Variants in IQCM observed in about 807,000 individuals in gnomAD.
IQCM encodes the protein IQ domain-containing protein M.
IQCM carries 45 observed loss-of-function variants against 57.6 expected under a neutral mutation model. The observed-to-expected ratio is 0.78, with a 90% CI of 0.62 to 1.00. IQCM has a LOEUF of 1.00. Among genes scored for constraint, IQCM ranks in the 50% least tolerant of loss-of-function variants. The pLI, the probability that IQCM is intolerant of heterozygous loss-of-function variation, is 0.00. For synonymous variants in IQCM, 148 were observed against 158.9 expected, an observed-to-expected ratio of 0.93 and a Z score of 0.51; for missense variants, 468 against 511.6, an observed-to-expected ratio of 0.91 and a Z score of 0.82.
At chr4:149,429,002 G>A (rs940424140) in intron 13 of IQCM, among the ~76,000 whole-genome samples, 1 of 151,758 alleles carries the variant, frequency 6.6e-6, no homozygotes, top group Non-Finnish European at 1.5e-5. Context: ...CCATTGCTTT[G>A]GGAAAGTAAT....
At chr4:149,745,877 T>A (rs936711233) in intron 2 of IQCM, among the ~76,000 whole-genome samples, 2 of 151,696 alleles carry the variant, frequency 1.3e-5, no homozygotes, top group African/African-American at 4.8e-5. Flanking sequence ...GAGGCTGAGG[T>A]GGGAGGATCA....
At chr4:149,733,718 A>G (rs561331182) in intron 4 of IQCM, among the ~76,000 whole-genome samples, 2 of 152,098 alleles carry the variant, frequency 1.3e-5, no homozygotes, top group Non-Finnish European at 2.9e-5. Flanking sequence ...TCACTCTCTA[A>G]AAGTCCTTCA....
intron 12 of IQCM, among the ~76,000 whole-genome samples, chr4:149,478,162 A>G (rs1392819848): frequency 6.6e-6 from 1 of 152,190 alleles, no homozygotes; most frequent in Middle Eastern, 3.2e-3. Flanking sequence ...TGAAAAGCAC[A>G]TGAAAAGCCC....
intron 12 of IQCM, chr4:149,514,630 AGGTTGTTTTTC>A (rs1464898913): frequency 1.3e-5 from 2 of 152,286 alleles, no homozygotes; most frequent in East Asian, 3.9e-4. Flanking sequence ...TATACGCTGC[AGGTTGTTTTTC>A]AGTCTGTTAA....
At chr4:149,423,874 A>C (rs1734287422) in intron 13 of IQCM, among the ~76,000 whole-genome samples, 1 of 151,924 alleles carries the variant, frequency 6.6e-6, no homozygotes, top group Non-Finnish European at 1.5e-5. Context: ...TTTATATTTT[A>C]TTTATTAAAT....
At chr4:149,709,799 T>C (rs1001424792) in intron 5 of IQCM, among the ~76,000 whole-genome samples, 3 of 152,120 alleles carry the variant, frequency 2.0e-5, no homozygotes, top group Non-Finnish European at 2.9e-5. Flanking sequence ...ATGCAAAGTC[T>C]TGTTACTCAT....
chr4:149,376,435 G>T (rs1730704265), intron 13 of IQCM, among the ~76,000 whole-genome samples: 1 of 152,078 alleles, frequency 6.6e-6, no homozygotes, highest in Admixed American at 6.6e-5. Context: ...AGAGATACAA[G>T]ATGCTATTGC....
intron 12 of IQCM, among the ~76,000 whole-genome samples, chr4:149,510,535 G>A (rs912146739): frequency 3.9e-5 from 6 of 152,036 alleles, no homozygotes; most frequent in Admixed American, 1.3e-4. Context: ...CCCCTCACCT[G>A]TTGCCATCTT....
At chr4:149,368,940 ATATGTG>A (rs1192197863) in intron 13 of IQCM, among the ~76,000 whole-genome samples, 10 of 76,086 alleles carry the variant, frequency 1.3e-4, no homozygotes, top group Non-Finnish European at 2.3e-4. Flanking sequence ...ACGTGTATAT[ATATGTG>A]TATATATATA....
chr4:149,632,107 T>C (rs1757316702), intron 7 of IQCM, among the ~76,000 whole-genome samples: 1 of 152,244 alleles, frequency 6.6e-6, no homozygotes, highest in East Asian at 1.9e-4. Context: ...CTGAAGCTGG[T>C]TGATAATCCC....
chr4:149,562,875 C>G lies in IQCM; in HGVS notation c.948+817G>C, dbSNP rs1024053011. Among the ~76,000 whole-genome samples, 9 of 152,184 alleles carry G rather than the reference C, an allele frequency of 5.9e-5. No homozygotes were observed. The East Asian group carries it at 1.7e-3, about 29-fold the overall frequency. ...TGTCAGAGAAATGTGTTCAGGATGCCCACTGCAAATCTATTCCAGAGGTTT... is the reference window on the plus strand; with the variant it reads ...TGTCAGAGAAATGTGTTCAGGATGCGCACTGCAAATCTATTCCAGAGGTTT... On this transcript the variant is annotated intron_variant, in intron 10 of 13. Coordinates refer to ENST00000636793, the MANE Select transcript of IQCM (RefSeq NM_001363507.2).
chr4:149,429,992 T>C, intron 13 of IQCM: 1 of 1,227,862 alleles, frequency 8.1e-7, no homozygotes, highest in Non-Finnish European at 1.0e-6. Flanking sequence ...CAAACACAAA[T>C]AGATATAGGT....
chr4:149,554,891 G>A (rs1253535830), intron 10 of IQCM, among the ~76,000 whole-genome samples: 1 of 150,596 alleles, frequency 6.6e-6, no homozygotes, highest in Non-Finnish European at 1.5e-5. Flanking sequence ...AGTAGAGACG[G>A]GGTTTCACCG....
intron 2 of IQCM, among the ~76,000 whole-genome samples, chr4:149,776,826 A>G (rs1771133070): frequency 2.0e-5 from 3 of 152,154 alleles, no homozygotes; most frequent in Admixed American, 1.3e-4. Flanking sequence ...GATTATATAC[A>G]TAGAACATTC....
rs114574300 is a variant in IQCM, at chr4:149,701,080, C to A, written c.386-14612G>T. Among the ~76,000 whole-genome samples, 1,139 of 151,996 alleles carry A rather than the reference C, an allele frequency of 7.5e-3. 19 individuals are homozygous for A. Among genetic ancestry groups the A allele is most frequent in the African/African-American group, 0.026 (1,070 of 41,474 alleles). The stretch of plus-strand genomic sequence containing the variant: ...CCCAAAAATGAGGCATACAAATATA[C>A]AAACTGAGGCTCAGAAACAGGTACA... On this transcript the variant is annotated intron_variant, in intron 5 of 13. Transcript: ENST00000636793.
intron 2 of IQCM, among the ~76,000 whole-genome samples, chr4:149,777,920 A>C (rs116465692): frequency 0.022 from 3,397 of 152,262 alleles, 63 homozygotes; most frequent in South Asian, 0.036. Context: ...GATGCAGACC[A>C]AAAACAAAAC....
In IQCM at chr4:149,471,626, C is replaced by T. The variant is rs377682036; in HGVS notation, c.1229-38069G>A. On this transcript the variant is annotated intron_variant, in intron 12 of 13. Coordinates refer to ENST00000636793, the MANE Select transcript of IQCM (RefSeq NM_001363507.2). ...ATCCTCCCTAATTCATTTTATGAGG[C>T]CAACATCATCCTGATACCAAAGCCT... Among the ~76,000 whole-genome samples, 15 of 152,240 alleles carry T rather than the reference C, an allele frequency of 9.9e-5. No individual in the cohort carries two copies. The East Asian group carries it at 1.9e-3, about 20-fold the overall frequency.
intron 13 of IQCM, among the ~76,000 whole-genome samples, chr4:149,380,007 G>A (rs942766513): frequency 2.0e-5 from 3 of 152,054 alleles, no homozygotes; most frequent in African/African-American, 4.8e-5. Flanking sequence ...AACCCCTTTC[G>A]CTTGGTTTTC....
At chr4:149,612,892 T>G (rs1240533871) in intron 8 of IQCM, among the ~76,000 whole-genome samples, 1 of 152,012 alleles carries the variant, frequency 6.6e-6, no homozygotes, top group Non-Finnish European at 1.5e-5. Flanking sequence ...TAGATAAGAA[T>G]TAACTACTGG....
Sources: allele counts gnomAD v4.1 joint callset (sites outside exome capture counted in the v4.1 genomes callset), GRCh38; gene constraint gnomAD v4.1.1; transcripts MANE v1.5; gene names NCBI Gene and HGNC (gene_info 2026-07-23, HGNC 2026-07-21).